Variants in ZNF687 observed in about 807,000 individuals in gnomAD.
The protein encoded by ZNF687 is zinc finger protein 687.
ZNF687 carries 13 observed loss-of-function variants against 71.8 expected under a neutral mutation model. The observed-to-expected ratio is 0.18, with a 90% CI of 0.12 to 0.29. The LOEUF is 0.29. ZNF687 is among the 10% of genes least tolerant of loss of function. The pLI, the probability that ZNF687 is intolerant of heterozygous loss-of-function variation, is 1.00. For missense variants in ZNF687, 1,412 were observed against 1,625.6 expected (o/e 0.87, Z 2.26); for synonymous variants, 673 against 641.6 (o/e 1.05, Z -0.74).
chr1:151,282,854 C>T (rs1475493846), intron 1 of ZNF687, among the ~76,000 whole-genome samples: 1 of 152,210 alleles, frequency 6.6e-6, no homozygotes, highest in East Asian at 1.9e-4. Context: ...CCCGATCAGT[C>T]TCCAGTCTCT....
chr1:151,290,262 C>T, intron 7 of ZNF687, 28 bp downstream of exon 7: 5 of 1,611,824 alleles, frequency 3.1e-6, no homozygotes, highest in South Asian at 1.1e-5. Context: ...CTTCCTCTTC[C>T]TGCCCAGCAC....
chr1:151,287,467 T>C lies in ZNF687; in HGVS notation c.1176T>C (p.Asp392=). Residue 392 remains aspartate, a synonymous_variant, in exon 2 of 9, where the codon GAT becomes GAC. Coordinates refer to ENST00000336715, the MANE Select transcript of ZNF687 (RefSeq NM_020832.3). This position sits in a 1 kb window ranked among gnomAD's most constrained non-coding sequence, Gnocchi z 5.0. ...AGGTGGTGAGCGTACAGTTGGGTGA[T>C]GGTACAAGGCTGAAAGGCACTGTGC... ...GPKVVSVQLG[D]GTRLKGTVLP... The C allele has an allele frequency of 1.2e-6, 2 of 1,614,096 alleles. No individual in the cohort carries two copies. The highest frequency in any genetic ancestry group is 8.5e-7 in the Non-Finnish European group (1 of 1,180,002).
chr1:151,283,126 G>C lies in ZNF687; in HGVS notation c.-18+731G>C, dbSNP rs587737786. 33 of 985,444 alleles carry C rather than the reference G, an allele frequency of 3.3e-5. No individual in the cohort carries two copies. In the African/African-American group the frequency reaches 5.4e-4, roughly 16 times the overall value. 61.0% of individuals were successfully genotyped at this position (985,444 alleles called of 1,614,324 possible). A position where few individuals can be genotyped will look rare whatever the true frequency, so the allele number is the denominator to read the frequency against. ...CGCCGGTGCGAGTGAGAGAAGGGCCGCGCGCCTCAGTTTCCCTTGTAGTTT... is the reference window on the plus strand; with the variant it reads ...CGCCGGTGCGAGTGAGAGAAGGGCCCCGCGCCTCAGTTTCCCTTGTAGTTT... On this transcript the variant is annotated intron_variant, in intron 1 of 8. Coordinates refer to ENST00000336715, the MANE Select transcript of ZNF687 (RefSeq NM_020832.3).
At chr1:151,284,270 G>C (rs1350441262) in intron 1 of ZNF687, 1 of 985,174 alleles carries the variant, frequency 1.0e-6, no homozygotes, top group Non-Finnish European at 1.2e-6. Context: ...AAATGTGTAT[G>C]TATCTTGGGA....
Position 151,287,597 on chromosome 1 carries a change from A to T in ZNF687, c.1306A>T (p.Met436Leu). 6.2e-7 allele frequency: 1 copy of T among 1,613,758 alleles called. No homozygotes were observed. The highest frequency in any genetic ancestry group is 8.5e-7 in the Non-Finnish European group (1 of 1,179,918). The change falls in exon 2 of 9, where the codon ATG becomes TTG. Residue 436 changes from methionine (M) to leucine (L), a missense_variant. By Grantham distance (15) the Met-to-Leu change is conservative (BLOSUM62 2). Around this residue, in one of 8 missense-constraint regions of ZNF687, gnomAD observed 133 missense variants for 155.1 expected, o/e 0.86. Transcript: ENST00000336715. This position sits in a 1 kb window ranked among gnomAD's most constrained non-coding sequence, Gnocchi z 5.0. ...TGGGGGGACTGCCACCAGCCCTAAG[A>T]TGATTGCTAAGAACGTGCTAGGCCT... ...LPGGTATSPKMIAKNVLGLVP... is the reference protein window; with the variant it reads ...LPGGTATSPKLIAKNVLGLVP...
rs767840087 is a variant in ZNF687, at chr1:151,290,084, CT to C, written c.2965-37del. The C allele has an allele frequency of 9.3e-6, 15 of 1,613,014 alleles. No individual in the cohort carries two copies. In the South Asian group the frequency reaches 1.5e-4, roughly 17 times the overall value. ...CCAGTGTGACAGTGGGGACGGGGTCCTGGAGCCTGGCTCTGACATCTACCCC... is the reference window on the plus strand; with the variant it reads ...CCAGTGTGACAGTGGGGACGGGGTCCGGAGCCTGGCTCTGACATCTACCCC... On this transcript the variant is annotated intron_variant, in intron 6 of 8. Coordinates refer to ENST00000336715, the MANE Select transcript of ZNF687 (RefSeq NM_020832.3).
Position 151,291,300 on chromosome 1 carries a change from A to ACAT in ZNF687, c.*92_*94dup. The ACAT allele has an allele frequency of 6.8e-7, 1 of 1,460,494 alleles. No homozygotes were observed. The highest frequency in any genetic ancestry group is 9.1e-7 in the Non-Finnish European group (1 of 1,094,748). 90.5% of individuals were successfully genotyped at this position (1,460,494 alleles called of 1,614,324 possible). A position where few individuals can be genotyped will look rare whatever the true frequency, so the allele number is the denominator to read the frequency against. ...TCCCTCGGCTGGGGAGTTTTCATTAACATTAATATTTTGTTAATTCCTGTC... is the reference window on the plus strand; with the variant it reads ...TCCCTCGGCTGGGGAGTTTTCATTAACATCATTAATATTTTGTTAATTCCTGTC... On this transcript the variant is annotated 3_prime_UTR_variant, in exon 9 of 9. Transcript: ENST00000336715.
At chr1:151,288,501 A>G (rs748230058) in intron 2 of ZNF687, 27 bp from the exon 3 acceptor site, 6 of 1,583,846 alleles carry the variant, frequency 3.8e-6, no homozygotes, top group Non-Finnish European at 5.2e-6. Context: ...CTCCTCACCG[A>G]CTTTCCTTGT....
chr1:151,283,139 T>C (rs1693796077), intron 1 of ZNF687: 1 of 985,308 alleles, frequency 1.0e-6, no homozygotes, highest in Admixed American at 6.1e-5. Flanking sequence ...CGCCTCAGTT[T>C]CCCTTGTAGT....
In ZNF687 at chr1:151,288,120, A is replaced by G; in HGVS notation, c.1829A>G (p.Gln610Arg). ...GTAGCCCTTGACCAGATGGTGGGGCAGCCGGACATCACACCGCTGCTGCCT... is the reference window on the plus strand; with the variant it reads ...GTAGCCCTTGACCAGATGGTGGGGCGGCCGGACATCACACCGCTGCTGCCT... Reference protein sequence around the residue: ...RPVALDQMVGQPDITPLLPVA... With the variant: ...RPVALDQMVGRPDITPLLPVA... The change falls in exon 2 of 9, where the codon CAG (glutamine) becomes CGG (arginine). Residue 610 changes from glutamine to arginine, a missense_variant. Physicochemically the swap from Gln to Arg is conservative, Grantham distance 43. This residue lies in a region of ZNF687 where 207 missense variants were observed against 239.2 expected (regional missense o/e 0.87). Transcript: ENST00000336715. The G allele has an allele frequency of 6.2e-7, 1 of 1,613,902 alleles. No homozygotes were observed.
In ZNF687 at chr1:151,287,342, T is replaced by G. The variant is rs1693996491; in HGVS notation, c.1051T>G (p.Ser351Ala). The G allele has an allele frequency of 6.2e-7, 1 of 1,614,058 alleles. No individual in the cohort carries two copies. The highest frequency in any genetic ancestry group is 1.7e-5 in the Admixed American group (1 of 60,004). The change falls in exon 2 of 9, where the codon TCA (serine) becomes GCA (alanine). Residue 351 changes from serine (S) to alanine (A), a missense_variant. Transcript: ENST00000336715. This position sits in a 1 kb window ranked among gnomAD's most constrained non-coding sequence, Gnocchi z 5.0. ...NITRTVTQVP[S>A]DPDPPAPLAE... ...CACAAGGACTGTAACTCAGGTCCCC[T>G]CAGATCCTGATCCACCTGCCCCCTT...
At chr1:151,283,037 C>T (rs1693790120) in intron 1 of ZNF687, 18 of 879,312 alleles carry the variant, frequency 2.0e-5, no homozygotes, top group Non-Finnish European at 2.5e-5. Flanking sequence ...GTCCTGGGTC[C>T]CCAGGTGCTG....
chr1:151,282,095 C>A (rs980662400), upstream of ZNF687: 1 of 1,278,820 alleles, frequency 7.8e-7, no homozygotes, highest in Non-Finnish European at 1.0e-6. Context: ...TTCAGAGGGC[C>A]TCGGCCCCTT....
At position 151,290,708 on chromosome 1, in the gene ZNF687, T is replaced by C. The variant is rs375821773; in HGVS notation, c.3220-7T>C. 1 of 1,591,740 alleles carries C rather than the reference T, an allele frequency of 6.3e-7. No homozygotes were observed. The highest frequency in any genetic ancestry group is 8.6e-7 in the Non-Finnish European group (1 of 1,167,898). On this transcript the variant is annotated splice_region_variant and splice_polypyrimidine_tract_variant and intron_variant, in intron 8 of 8. Coordinates refer to ENST00000336715, the MANE Select transcript of ZNF687 (RefSeq NM_020832.3). The stretch of plus-strand genomic sequence containing the variant: ...GGTAAGGCCCAGTTTCTTCCACTTT[T>C]CTTCAGGGGCCAGGTCGGAAACGCC...
Position 151,290,937 on chromosome 1 carries a change from G to A in ZNF687, c.3442G>A (p.Gly1148Ser), listed in dbSNP as rs780020034. Reference protein sequence around the residue: ...LDCGLCFASPGSLSRHRFISH... With the variant: ...LDCGLCFASPSSLSRHRFISH... ...CTGTGGCTTGTGCTTTGCCTCCCCT[G>A]GCTCCCTGAGCCGACACCGTTTCAT... The change falls in exon 9 of 9, where the codon GGC (glycine) becomes AGC (serine). Residue 1148 changes from glycine (G) to serine (S), a missense_variant. Gly to Ser is a moderately conservative substitution (Grantham distance 56, BLOSUM62 0). Around this residue, in one of 8 missense-constraint regions of ZNF687, gnomAD observed 284 missense variants for 359.2 expected, o/e 0.79. Coordinates refer to ENST00000336715, the MANE Select transcript of ZNF687 (RefSeq NM_020832.3). The A allele has an allele frequency of 1.2e-6, 2 of 1,613,780 alleles. No homozygotes were observed. Among genetic ancestry groups the A allele is most frequent in the South Asian group, 2.2e-5 (2 of 91,082 alleles).
rs1335868605 is a variant in ZNF687, at chr1:151,290,324, G to A, written c.3077+90G>A. On this transcript the variant is annotated intron_variant, in intron 7 of 8. Transcript: ENST00000336715. ...CTGTGCACCTGCGACGTGTCTAAGT[G>A]GCCTGATGGTTGGGGTCTCCCTCTG... The A allele has an allele frequency of 2.5e-6, 4 of 1,608,754 alleles. No homozygotes were observed. In the East Asian group the frequency reaches 8.9e-5, roughly 36 times the overall value.
At chr1:151,282,969 C>A in intron 1 of ZNF687, 1 of 294,502 alleles carries the variant, frequency 3.4e-6, no homozygotes, top group Non-Finnish European at 5.0e-6. Flanking sequence ...CTGAGAGTCG[C>A]GCAGAGACCG....
Position 151,291,059 on chromosome 1 carries a change from T to C in ZNF687, c.3564T>C (p.Gly1188=), listed in dbSNP as rs1694222752. 3.1e-6 allele frequency: 5 copies of C among 1,613,660 alleles called. No individual in the cohort carries two copies. In the African/African-American group the frequency reaches 5.3e-5, roughly 17 times the overall value. ...EAPPSRSDPD[G]GDSPLPASGG... ...CTCCATCAAGGTCTGACCCCGATGG[T>C]GGAGACTCACCCCTGCCTGCTTCTG... is the stretch of plus-strand genomic sequence containing the variant. Residue 1188 remains glycine (G), a synonymous_variant, in exon 9 of 9, where the codon GGT becomes GGC. Coordinates refer to ENST00000336715, the MANE Select transcript of ZNF687 (RefSeq NM_020832.3).
At position 151,287,103 on chromosome 1, in the gene ZNF687, G is replaced by A; in HGVS notation, c.812G>A (p.Ser271Asn). The change falls in exon 2 of 9, where the codon AGC (serine) becomes AAC (asparagine). Residue 271 changes from serine (S) to asparagine (N), a missense_variant. Around this residue, in one of 8 missense-constraint regions of ZNF687, gnomAD observed 490 missense variants for 489.9 expected, o/e 1.00. Coordinates refer to ENST00000336715, the MANE Select transcript of ZNF687 (RefSeq NM_020832.3). The surrounding 1 kb of genome is among the most constrained non-coding windows in gnomAD (Gnocchi z 5.0). ...TTCAAGCAGTCTCCAGGGCACCAGAGCCCTCTTGCCTCCCCCAAAGTGCCC... is the reference window on the plus strand; with the variant it reads ...TTCAAGCAGTCTCCAGGGCACCAGAACCCTCTTGCCTCCCCCAAAGTGCCC... Reference protein sequence around the residue: ...PFFKQSPGHQSPLASPKVPVC... With the variant: ...PFFKQSPGHQNPLASPKVPVC... The A allele has an allele frequency of 6.2e-7, 1 of 1,613,962 alleles. No individual in the cohort carries two copies. Among genetic ancestry groups the A allele is most frequent in the South Asian group, 1.1e-5 (1 of 91,076 alleles).
Sources: gnomAD v4.1 joint callset for allele counts (sites outside exome capture counted in the v4.1 genomes callset) on GRCh38, gnomAD v4.1.1 for gene constraint, gnomAD v4.1.1 regional missense constraint, Gnocchi (gnomAD v3.1) non-coding constraint, MANE v1.5 for transcripts, NCBI Gene and HGNC (gene_info 2026-07-23, HGNC 2026-07-21) for gene names.